The following CCSER1 variants were observed in gnomAD, a reference collection of about 807,000 sequenced individuals.
CCSER1 encodes coiled-coil serine rich protein 1, also known as serine-rich coiled-coil domain-containing protein 1.
In CCSER1, 41 loss-of-function variants were observed where a neutral mutation model predicts 82.0. The observed-to-expected ratio is 0.50, with a 90% CI of 0.39 to 0.65. The LOEUF is 0.65. CCSER1 is among the 30% of genes least tolerant of loss of function. CCSER1 has a pLI of 0.00. For missense variants in CCSER1, 1,119 were observed against 1,064.2 expected (o/e 1.05, Z -0.72); for synonymous variants, 414 against 383.9 (o/e 1.08, Z -0.92).
intron 10 of CCSER1, among the ~76,000 whole-genome samples, chr4:91,318,883 T>G (rs1746003420): frequency 6.6e-6 from 1 of 151,998 alleles, no homozygotes; most frequent in South Asian, 2.1e-4. Context: ...GCATATTCCC[T>G]CATTAGTTTT....
At chr4:91,319,835 T>TC in intron 10 of CCSER1, 1 of 389,646 alleles carries the variant, frequency 2.6e-6, no homozygotes, top group African/African-American at 2.1e-5. Context: ...ATACAGTAGT[T>TC]CCCCCTCATC....
chr4:91,373,960 T>C (rs77597075), intron 10 of CCSER1, among the ~76,000 whole-genome samples: 2,992 of 152,328 alleles, frequency 0.02, 78 homozygotes, highest in African/African-American at 0.067. Flanking sequence ...CACAACATTC[T>C]GTTAAGTGAA....
At chr4:90,455,595 A>C (rs541284796) in intron 4 of CCSER1, among the ~76,000 whole-genome samples, 10 of 152,210 alleles carry the variant, frequency 6.6e-5, no homozygotes, top group African/African-American at 2.4e-4. Flanking sequence ...CTAAGAAAAA[A>C]GGGCATCCCT....
intron 4 of CCSER1, among the ~76,000 whole-genome samples, chr4:90,442,404 A>G (rs1560524063): frequency 6.6e-6 from 1 of 152,190 alleles, no homozygotes; most frequent in African/African-American, 2.4e-5. Context: ...AGAAAAACCT[A>G]TTGATCAAGT....
At chr4:91,505,517 C>A (rs1436983690) in intron 10 of CCSER1, among the ~76,000 whole-genome samples, 1 of 152,116 alleles carries the variant, frequency 6.6e-6, no homozygotes, top group Non-Finnish European at 1.5e-5. Context: ...GAGGAATTAC[C>A]ACACTATCTT....
intron 1 of CCSER1, among the ~76,000 whole-genome samples, chr4:90,206,965 G>T (rs1233568724): frequency 6.6e-6 from 1 of 151,672 alleles, no homozygotes; most frequent in African/African-American, 2.4e-5. Context: ...GATCTTTGTT[G>T]GTTCAAAGTG....
chr4:90,543,522 A>G (rs1011637459), intron 5 of CCSER1, among the ~76,000 whole-genome samples: 1 of 152,176 alleles, frequency 6.6e-6, no homozygotes, highest in Non-Finnish European at 1.5e-5. Flanking sequence ...TTTGTTTTTA[A>G]TTAAGTCTGA....
rs746404236 is a variant in CCSER1, at chr4:91,222,192, C to T, written c.2217+136198C>T. Among the ~76,000 whole-genome samples the T allele has an allele frequency of 4.6e-5, 7 of 150,758 alleles. 1 individual carries two copies. The highest frequency in any genetic ancestry group is 1.0e-4 in the Non-Finnish European group (7 of 67,662). ...GCTGAATGAAGAAGCACGGATTATG[C>T]TCTGCAAGACAAGCAGAAGGAGGCA... On this transcript the variant is annotated intron_variant, in intron 10 of 10. Coordinates refer to ENST00000509176, the MANE Select transcript of CCSER1 (RefSeq NM_001145065.2).
chr4:90,250,498 C>T (rs1382396897), intron 1 of CCSER1, among the ~76,000 whole-genome samples: 3 of 152,036 alleles, frequency 2.0e-5, no homozygotes, highest in Admixed American at 2.0e-4. Flanking sequence ...TTTTCCCTCT[C>T]ACCCTTGTTA....
intron 8 of CCSER1, chr4:90,911,131 A>G (rs1375395388): frequency 2.7e-6 from 1 of 365,280 alleles, no homozygotes; most frequent in Non-Finnish European, 5.3e-6. Flanking sequence ...TAATTCCAAT[A>G]TCCATTGTTA....
chr4:91,003,664 A>G (rs899634477), intron 9 of CCSER1, among the ~76,000 whole-genome samples: 30 of 152,104 alleles, frequency 2.0e-4, no homozygotes, highest in African/African-American at 7.2e-4. Context: ...GAGAGCAGTT[A>G]GGGCTTTTGT....
intron 6 of CCSER1, among the ~76,000 whole-genome samples, chr4:90,650,236 A>AACAG (rs1728484078): frequency 6.6e-6 from 1 of 152,020 alleles, no homozygotes; most frequent in African/African-American, 2.4e-5. Flanking sequence ...CAAACAAACA[A>AACAG]ACAAACAGAA....
intron 6 of CCSER1, among the ~76,000 whole-genome samples, chr4:90,675,082 AAGTTAC>A (rs915089398): frequency 1.3e-5 from 2 of 152,018 alleles, no homozygotes; most frequent in African/African-American, 4.8e-5. Flanking sequence ...GACCTTGAAC[AAGTTAC>A]CTCATCCTTT....
intron 4 of CCSER1, among the ~76,000 whole-genome samples, chr4:90,450,889 C>A (rs1040062331): frequency 6.6e-6 from 1 of 152,124 alleles, no homozygotes; most frequent in Non-Finnish European, 1.5e-5. Flanking sequence ...TAAATCAGAG[C>A]TTTTTCAGTC....
intron 1 of CCSER1, among the ~76,000 whole-genome samples, chr4:90,225,207 G>A (rs1345520001): frequency 2.0e-5 from 3 of 150,380 alleles, no homozygotes; most frequent in East Asian, 2.0e-4. Flanking sequence ...TGGGACCACC[G>A]GTGCACACCA....
At chr4:91,093,066 A>C (rs1724135757) in intron 10 of CCSER1, among the ~76,000 whole-genome samples, 1 of 152,216 alleles carries the variant, frequency 6.6e-6, no homozygotes, top group Non-Finnish European at 1.5e-5. Flanking sequence ...GCATATCAAG[A>C]GTCAGTATAA....
At chr4:91,076,363 A>G (rs1183580570) in intron 9 of CCSER1, among the ~76,000 whole-genome samples, 1 of 151,600 alleles carries the variant, frequency 6.6e-6, no homozygotes, top group Non-Finnish European at 1.5e-5. Flanking sequence ...GCTTATTCCC[A>G]GCTCCTTTTA....
At chr4:90,878,817 G>C (rs772179258) in intron 8 of CCSER1, among the ~76,000 whole-genome samples, 1 of 152,086 alleles carries the variant, frequency 6.6e-6, no homozygotes, top group Non-Finnish European at 1.5e-5. Flanking sequence ...GATTTCCTAT[G>C]TGATAATTAG....
intron 1 of CCSER1, among the ~76,000 whole-genome samples, chr4:90,168,710 C>T (rs1355313965): frequency 6.6e-5 from 10 of 151,552 alleles, no homozygotes; most frequent in South Asian, 4.2e-4. Flanking sequence ...CCAGTTTTCC[C>T]AGCACCATTT....
Sources: gnomAD v4.1 joint callset for allele counts (sites outside exome capture counted in the v4.1 genomes callset) on GRCh38, gnomAD v4.1.1 for gene constraint, MANE v1.5 for transcripts, NCBI Gene and HGNC (gene_info 2026-07-23, HGNC 2026-07-21) for gene names.